The following PHLPP2 variants were observed in gnomAD, a reference collection of about 807,000 sequenced individuals.
The protein encoded by PHLPP2 is PH domain and leucine rich repeat protein phosphatase 2.
In PHLPP2, 66 loss-of-function variants were observed where a neutral mutation model predicts 124.9. The ratio of observed to expected loss-of-function variants is 0.53; its 90% CI spans 0.43 to 0.65. The LOEUF (loss-of-function observed/expected upper bound fraction) is 0.65, where lower values mean the gene tolerates loss of function less well. Ranked by LOEUF, PHLPP2 falls within the 30% of genes least tolerant of loss-of-function variation. The probability of loss-of-function intolerance (pLI) is 0.00; values close to 1 mark genes in which losing one functional copy is unlikely to be tolerated. For synonymous variants in PHLPP2, 681 were observed against 624.7 expected (o/e 1.09, Z -1.34); for missense variants, 1,685 against 1,600.4 (o/e 1.05, Z -0.90).
In PHLPP2 at chr16:71,714,850, A is replaced by AT. The variant is rs779297383; in HGVS notation, c.-6-50dup. The AT allele has an allele frequency of 4.5e-6, 7 of 1,569,556 alleles. No individual in the cohort carries two copies. In the African/African-American group the frequency reaches 9.5e-5, roughly 21 times the overall value. On this transcript the variant is annotated intron_variant, in intron 1 of 18. Transcript: ENST00000568954. The stretch of plus-strand genomic sequence containing the variant: ...ATCGTTAGCTAGAACATCTGACTGA[A>AT]TTAGACATTTCAGTCCTCACCCCAC...
At chr16:71,681,342 G>C (rs2044995711) in intron 6 of PHLPP2, among the ~76,000 whole-genome samples, 1 of 152,160 alleles carries the variant, frequency 6.6e-6, no homozygotes, top group Non-Finnish European at 1.5e-5. Flanking sequence ...ACGCATAAGA[G>C]TTGGCAGTGG....
At chr16:71,699,486 G>A (rs1194309437) in intron 3 of PHLPP2, among the ~76,000 whole-genome samples, 1 of 152,172 alleles carries the variant, frequency 6.6e-6, no homozygotes, top group Non-Finnish European at 1.5e-5. Context: ...TCAAGGGAGA[G>A]TGAGCTGCCC....
intron 5 of PHLPP2, among the ~76,000 whole-genome samples, chr16:71,682,777 T>G (rs1445749321): frequency 6.6e-6 from 1 of 152,148 alleles, no homozygotes; most frequent in Non-Finnish European, 1.5e-5. Flanking sequence ...AACTGTAAAA[T>G]AGTCAATAAA....
intron 9 of PHLPP2, among the ~76,000 whole-genome samples, chr16:71,674,761 C>T (rs1409040571): frequency 1.3e-5 from 2 of 152,250 alleles, no homozygotes; most frequent in East Asian, 3.9e-4. Context: ...CTTTGGGAGG[C>T]TGAGGTGGGC....
Position 71,663,969 on chromosome 16 carries a change from C to A in PHLPP2, c.1915G>T (p.Val639Phe), listed in dbSNP as rs371972324. The A allele has an allele frequency of 1.2e-5, 19 of 1,613,932 alleles. No homozygotes were observed. In the African/African-American group the frequency reaches 2.1e-4, roughly 18 times the overall value. ...NNLLTDQCIP[V>F]LVGHLHLRIL... is the part of the protein sequence containing the mutation. ...CGCAGGTGCAGGTGCCCTACCAGGA[C>A]AGGTATGCACTGATCCGTCAGGAGA... The change falls in exon 13 of 19, where the codon GTC (valine) becomes TTC (phenylalanine). Residue 639 changes from valine to phenylalanine, a missense_variant. Physicochemically the swap from Val to Phe is conservative, Grantham distance 50. Transcript: ENST00000568954.
intron 10 of PHLPP2, among the ~76,000 whole-genome samples, chr16:71,670,813 C>T (rs940046463): frequency 6.6e-6 from 1 of 151,846 alleles, no homozygotes; most frequent in South Asian, 2.1e-4. Flanking sequence ...GAGTCACAGG[C>T]ACAGACAGCT....
At chr16:71,708,930 A>G (rs2045304759) in intron 2 of PHLPP2, among the ~76,000 whole-genome samples, 1 of 152,190 alleles carries the variant, frequency 6.6e-6, no homozygotes, top group South Asian at 2.1e-4. Context: ...GAATAGCCAC[A>G]GTACTCCAGC....
intron 3 of PHLPP2, among the ~76,000 whole-genome samples, chr16:71,694,929 C>T (rs563755190): frequency 1.2e-4 from 18 of 152,050 alleles, no homozygotes; most frequent in Admixed American, 2.0e-4. Context: ...GGACTACAGG[C>T]GCCTGCCACC....
intron 10 of PHLPP2, among the ~76,000 whole-genome samples, chr16:71,670,695 A>AACACACACACACACACACACACACACAC (rs71153651): frequency 0.014 from 1,748 of 128,934 alleles, 82 homozygotes; most frequent in African/African-American, 0.041. Flanking sequence ...AGAGGCTGAA[A>AACACACACACACACACACACACACACAC]ACACACACAC....
intron 2 of PHLPP2, among the ~76,000 whole-genome samples, chr16:71,710,227 A>C (rs963748048): frequency 1.1e-4 from 16 of 152,246 alleles, no homozygotes; most frequent in Admixed American, 2.0e-4. Context: ...ACAACCAAAA[A>C]ACCCTGTCCC....
intron 1 of PHLPP2, among the ~76,000 whole-genome samples, chr16:71,722,360 G>A (rs1383485100): frequency 1.3e-5 from 2 of 152,118 alleles, no homozygotes; most frequent in Non-Finnish European, 2.9e-5. Flanking sequence ...CTTGAACCCT[G>A]GAGGCAGAGG....
intron 17 of PHLPP2, 82 bp downstream of exon 17, chr16:71,655,158 T>G: frequency 1.1e-6 from 1 of 896,000 alleles, no homozygotes; most frequent in East Asian, 2.4e-5. Context: ...TATCCATAAT[T>G]TAGACCCTGA....
chr16:71,706,406 T>C (rs2045274531), intron 2 of PHLPP2, among the ~76,000 whole-genome samples: 1 of 152,218 alleles, frequency 6.6e-6, no homozygotes. Context: ...AAGTATCATT[T>C]CACAAGAGTT....
intron 1 of PHLPP2, 114 bp downstream of exon 1, chr16:71,724,215 A>C (rs1418576557): frequency 2.6e-5 from 4 of 152,224 alleles, no homozygotes; most frequent in African/African-American, 9.7e-5. Context: ...CGGGAGAAAG[A>C]AGCAGGTGGC....
At chr16:71,653,886 C>G (rs1017822805) in intron 17 of PHLPP2, among the ~76,000 whole-genome samples, 2 of 152,074 alleles carry the variant, frequency 1.3e-5, no homozygotes, top group Non-Finnish European at 2.9e-5. Context: ...ACGGTGAAAC[C>G]CCATCCCTAC....
intron 3 of PHLPP2, among the ~76,000 whole-genome samples, chr16:71,698,139 G>A (rs958696514): frequency 2.0e-5 from 3 of 152,196 alleles, no homozygotes; most frequent in Non-Finnish European, 2.9e-5. Flanking sequence ...GAGCCACCGC[G>A]CCCGGCCCAG....
intron 18 of PHLPP2, among the ~76,000 whole-genome samples, chr16:71,650,787 C>G (rs916947452): frequency 6.6e-6 from 1 of 152,164 alleles, no homozygotes; most frequent in African/African-American, 2.4e-5. Flanking sequence ...TGGGAGAAGA[C>G]CTGAGCTTAT....
intron 18 of PHLPP2, 39 bp downstream of exon 18, chr16:71,652,751 T>G: frequency 5.5e-6 from 8 of 1,449,896 alleles, no homozygotes; most frequent in Non-Finnish European, 7.8e-6. Context: ...CCTCCACTGA[T>G]TTGGGGAGCA....
intron 3 of PHLPP2, among the ~76,000 whole-genome samples, chr16:71,693,940 C>T (rs897618224): frequency 1.3e-5 from 2 of 152,088 alleles, no homozygotes; most frequent in African/African-American, 4.8e-5. Flanking sequence ...CAACTGTAAT[C>T]CCAGCACTTT....
Sources: allele counts gnomAD v4.1 joint callset (sites outside exome capture counted in the v4.1 genomes callset), GRCh38; gene constraint gnomAD v4.1.1; transcripts MANE v1.5; gene names NCBI Gene and HGNC (gene_info 2026-07-23, HGNC 2026-07-21).